Variants in KIAA1671 observed in about 807,000 individuals in gnomAD.
The protein encoded by KIAA1671 is KIAA1671, also known as uncharacterized protein KIAA1671.
In KIAA1671, 52 loss-of-function variants were observed where a neutral mutation model predicts 131.2. The observed-to-expected ratio is 0.40, with a 90% CI of 0.32 to 0.50. The LOEUF is 0.50. KIAA1671 is among the 20% of genes least tolerant of loss of function. KIAA1671 has a pLI of 0.73. For missense variants in KIAA1671, 2,360 were observed against 2,364.2 expected (o/e 1.00, Z 0.04); for synonymous variants, 1,003 against 961.6 (o/e 1.04, Z -0.80).
At chr22:25,184,895 C>T in intron 10 of KIAA1671, 82 bp from the exon 11 acceptor site, 4 of 1,506,158 alleles carry the variant, frequency 2.7e-6, no homozygotes, top group Non-Finnish European at 3.6e-6. Flanking sequence ...GCAGAAGGCT[C>T]ATTGTACCTG....
intron 4 of KIAA1671, among the ~76,000 whole-genome samples, chr22:25,037,410 G>GTA (rs1270730586): frequency 2.7e-5 from 4 of 150,350 alleles, no homozygotes; most frequent in African/African-American, 1.0e-4. Context: ...GTATATATGT[G>GTA]TGTATATATA....
At chr22:25,110,753 C>T (rs893581574) in intron 6 of KIAA1671, among the ~76,000 whole-genome samples, 5 of 152,154 alleles carry the variant, frequency 3.3e-5, no homozygotes, top group African/African-American at 1.2e-4. Flanking sequence ...ACCCCCAACC[C>T]CTAGTACTCC....
chr22:25,011,731 G>A (rs1160875453), intron 1 of KIAA1671: 1 of 149,972 alleles, frequency 6.7e-6, no homozygotes, highest in African/African-American at 2.5e-5. Flanking sequence ...TCCGCCTCCT[G>A]GGTTCAAGCA....
chr22:25,043,039 A>G (rs1927034480), intron 5 of KIAA1671, among the ~76,000 whole-genome samples: 1 of 147,756 alleles, frequency 6.8e-6, no homozygotes, highest in Non-Finnish European at 1.5e-5. Context: ...CATGCACAGC[A>G]GAAGAAAGAA....
At chr22:24,984,495 G>A (rs1235422976) in intron 1 of KIAA1671, among the ~76,000 whole-genome samples, 3 of 152,316 alleles carry the variant, frequency 2.0e-5, no homozygotes, top group African/African-American at 7.2e-5. Flanking sequence ...ACACCTGTTG[G>A]TGAAGGTAAT....
intron 1 of KIAA1671, among the ~76,000 whole-genome samples, chr22:24,982,817 G>A (rs1467256087): frequency 6.6e-6 from 1 of 152,192 alleles, no homozygotes; most frequent in Admixed American, 6.5e-5. Flanking sequence ...AGCTTCTCCT[G>A]CCGGACCCAA....
intron 6 of KIAA1671, among the ~76,000 whole-genome samples, chr22:25,116,218 A>T (rs1034379640): frequency 1.3e-5 from 2 of 151,988 alleles, no homozygotes; most frequent in Non-Finnish European, 2.9e-5. Context: ...GACTACAGGC[A>T]TGTGCCACCA....
At chr22:25,188,204 G>C (rs2146048247) in intron 11 of KIAA1671, among the ~76,000 whole-genome samples, 1 of 152,334 alleles carries the variant, frequency 6.6e-6, no homozygotes, top group Middle Eastern at 3.4e-3. Context: ...GGGAGGCTGA[G>C]GCAGGAGAAT....
At chr22:25,192,033 T>G (rs1934686740) in intron 12 of KIAA1671, among the ~76,000 whole-genome samples, 1 of 152,262 alleles carries the variant, frequency 6.6e-6, no homozygotes, top group African/African-American at 2.4e-5. Context: ...TACTAAAAAT[T>G]ATAAATTCCC....
intron 7 of KIAA1671, among the ~76,000 whole-genome samples, chr22:25,172,335 C>A (rs1227780511): frequency 2.0e-5 from 3 of 152,202 alleles, no homozygotes; most frequent in African/African-American, 7.2e-5. Flanking sequence ...AACTTCCCCT[C>A]CTCGGGCCAC....
At chr22:24,960,654 C>CTTT (rs34901740) in intron 1 of KIAA1671, among the ~76,000 whole-genome samples, 146 of 71,438 alleles carry the variant, frequency 2.0e-3, no homozygotes, top group East Asian at 2.6e-3. Flanking sequence ...TTTTCAGGTT[C>CTTT]TTTTTTTTTT....
chr22:25,043,143 T>G (rs1024366795), intron 5 of KIAA1671, among the ~76,000 whole-genome samples: 8 of 151,522 alleles, frequency 5.3e-5, no homozygotes, highest in African/African-American at 1.9e-4. Flanking sequence ...GGGATCACTT[T>G]AATTACAAGC....
At chr22:25,151,429 C>CTTTT (rs67444002) in intron 6 of KIAA1671, among the ~76,000 whole-genome samples, 7 of 104,764 alleles carry the variant, frequency 6.7e-5, no homozygotes, top group Non-Finnish European at 9.2e-5. Context: ...AACATGAACT[C>CTTTT]TTTTTTTTTT....
At chr22:25,114,044 G>A (rs545794776) in intron 6 of KIAA1671, among the ~76,000 whole-genome samples, 68 of 152,340 alleles carry the variant, frequency 4.5e-4, no homozygotes, top group Admixed American at 3.9e-3. Context: ...CTTACCCTGT[G>A]TTACAGGTTG....
intron 5 of KIAA1671, among the ~76,000 whole-genome samples, chr22:25,047,022 G>A (rs939306277): frequency 4.0e-5 from 6 of 150,682 alleles, no homozygotes; most frequent in Non-Finnish European, 7.4e-5. Context: ...TCAGGCTGGA[G>A]TGTAGTAGTG....
chr22:25,042,188 A>G (rs1167415294), intron 5 of KIAA1671, among the ~76,000 whole-genome samples: 10 of 152,214 alleles, frequency 6.6e-5, no homozygotes, highest in Non-Finnish European at 1.0e-4. Flanking sequence ...TTCAGCCCAA[A>G]CAAGACTTGT....
chr22:25,036,005 AG>A (rs1926572115), intron 4 of KIAA1671, among the ~76,000 whole-genome samples: 1 of 152,114 alleles, frequency 6.6e-6, no homozygotes, highest in Non-Finnish European at 1.5e-5. Flanking sequence ...CAGGAGTTTG[AG>A]GCTGCAGTGA....
chr22:25,067,522 CT>C (rs1928545354), intron 6 of KIAA1671, among the ~76,000 whole-genome samples: 1 of 151,990 alleles, frequency 6.6e-6, no homozygotes, highest in Non-Finnish European at 1.5e-5. Context: ...TCTTTTTCTC[CT>C]TTCACCCTCT....
At position 25,023,532 on chromosome 22, in the gene KIAA1671, A is replaced by G. The variant is rs1233715386; in HGVS notation, c.-207-2101A>G. ...GTGATAACATTTAAAAGAAGACTTC[A>G]AAGCATACAGTTAAATTGGTTTCCC... On this transcript the variant is annotated intron_variant, in intron 1 of 12. Coordinates refer to ENST00000358431, the MANE Select transcript of KIAA1671 (RefSeq NM_001145206.2). The G allele has an allele frequency of 2.6e-5, 4 of 152,232 alleles. No individual in the cohort carries two copies. The East Asian group carries it at 7.7e-4, about 29-fold the overall frequency. 9.4% of individuals were successfully genotyped at this position (152,232 alleles called of 1,614,324 possible).
Sources: allele counts gnomAD v4.1 joint callset (sites outside exome capture counted in the v4.1 genomes callset), GRCh38; gene constraint gnomAD v4.1.1; transcripts MANE v1.5; gene names NCBI Gene and HGNC (gene_info 2026-07-23, HGNC 2026-07-21).